UGT1A8: variants seen among roughly 807,000 people sequenced by gnomAD.
UGT1A8 encodes UDP-glucuronosyltransferase 1A8.
UGT1A8 carries 39 observed loss-of-function variants against 45.3 expected under a neutral mutation model. The observed-to-expected ratio is 0.86, with a 90% CI of 0.67 to 1.12. The LOEUF is 1.12. Among genes scored for constraint, UGT1A8 ranks in the 50% most tolerant of loss-of-function variants. The probability of loss-of-function intolerance (pLI) is 0.00; values close to 1 mark genes in which losing one functional copy is unlikely to be tolerated. For missense variants in UGT1A8, 719 were observed against 664.9 expected, an observed-to-expected ratio of 1.08 and a Z score of -0.90; for synonymous variants, 275 against 249.2, an observed-to-expected ratio of 1.10 and a Z score of -0.97.
intron 1 of UGT1A8, among the ~76,000 whole-genome samples, chr2:233,705,549 T>C (rs966498123): frequency 3.9e-5 from 6 of 152,104 alleles, no homozygotes; most frequent in Non-Finnish European, 8.8e-5. Flanking sequence ...GAGCAGCTGG[T>C]GATATTGCTT....
At chr2:233,726,191 A>T (rs942571652) in intron 1 of UGT1A8, among the ~76,000 whole-genome samples, 2 of 152,194 alleles carry the variant, frequency 1.3e-5, no homozygotes, top group African/African-American at 4.8e-5. Context: ...TCTTTGGCAT[A>T]TGGAAATCTT....
intron 1 of UGT1A8, among the ~76,000 whole-genome samples, chr2:233,669,070 G>A (rs952655787): frequency 1.3e-5 from 2 of 152,172 alleles, no homozygotes; most frequent in Non-Finnish European, 2.9e-5. Flanking sequence ...GCTTTCTTGC[G>A]AATGGATACC....
chr2:233,713,391 A>T (rs373895890), intron 1 of UGT1A8: 1 of 1,614,152 alleles, frequency 6.2e-7, no homozygotes, highest in South Asian at 1.1e-5. Flanking sequence ...GCTACTGCAT[A>T]ATGAGGCCCT....
chr2:233,718,710 T>G (rs1277838228), intron 1 of UGT1A8: 4 of 1,606,080 alleles, frequency 2.5e-6, no homozygotes, highest in Admixed American at 1.7e-5. Flanking sequence ...TGTCTTCCAA[T>G]TACATGCTGA....
intron 1 of UGT1A8, chr2:233,750,715 C>G (rs1487132434): frequency 6.6e-6 from 1 of 151,920 alleles, no homozygotes; most frequent in Non-Finnish European, 1.5e-5. Context: ...AGAGCTCAGG[C>G]CATTGCTTCA....
chr2:233,757,535 AATATATATAT>A (rs67292694), intron 1 of UGT1A8, among the ~76,000 whole-genome samples: 5,616 of 88,332 alleles, frequency 0.064, 477 homozygotes, highest in Non-Finnish European at 0.086. Context: ...GCCTGTAAGG[AATATATATAT>A]ATATATATAT....
intron 1 of UGT1A8, among the ~76,000 whole-genome samples, chr2:233,695,422 CCTTCTT>C (rs34487948): frequency 6.6e-6 from 1 of 150,952 alleles, no homozygotes; most frequent in African/African-American, 2.4e-5. Flanking sequence ...CCGCGCCCGG[CCTTCTT>C]CTTCTTCTTT....
At chr2:233,672,754 G>A (rs745881309) in intron 1 of UGT1A8, 7 of 1,613,730 alleles carry the variant, frequency 4.3e-6, no homozygotes, top group Non-Finnish European at 5.9e-6. Flanking sequence ...CTTCATTGGT[G>A]GTATCAACTG....
chr2:233,619,477 T>G (rs1159584601), intron 1 of UGT1A8, among the ~76,000 whole-genome samples: 1 of 152,186 alleles, frequency 6.6e-6, no homozygotes, highest in Non-Finnish European at 1.5e-5. Flanking sequence ...CATGTAGGGT[T>G]AGAGGGTTTT....
At chr2:233,716,112 T>C (rs2076486973) in intron 1 of UGT1A8, among the ~76,000 whole-genome samples, 1 of 152,226 alleles carries the variant, frequency 6.6e-6, no homozygotes, top group Admixed American at 6.5e-5. Context: ...ATTTAGTTTT[T>C]CCATCTTAGT....
intron 1 of UGT1A8, among the ~76,000 whole-genome samples, chr2:233,645,959 C>G (rs1183859720): frequency 6.6e-6 from 1 of 152,244 alleles, no homozygotes. Flanking sequence ...AGCAGAGGTT[C>G]TCTGTGAGGG....
intron 1 of UGT1A8, among the ~76,000 whole-genome samples, chr2:233,649,465 G>T (rs1314990285): frequency 6.6e-6 from 1 of 152,102 alleles, no homozygotes; most frequent in South Asian, 2.1e-4. Flanking sequence ...TTGCAGTTTT[G>T]TATGCATGTG....
chr2:233,691,378 G>C (rs1273404104), intron 1 of UGT1A8: 37 of 985,462 alleles, frequency 3.8e-5, no homozygotes, highest in Non-Finnish European at 4.3e-5. Flanking sequence ...TCCTGGTTAT[G>C]TTCCCCATGG....
chr2:233,642,534 A>G (rs970427355), intron 1 of UGT1A8, among the ~76,000 whole-genome samples: 8 of 152,142 alleles, frequency 5.3e-5, no homozygotes, highest in Non-Finnish European at 8.8e-5. Flanking sequence ...TATTTAATTC[A>G]TTTGATGAGG....
Position 233,661,730 on chromosome 2 carries a change from G to A in UGT1A8, c.855+43168G>A, listed in dbSNP as rs753647964. 5.6e-5 allele frequency among the ~76,000 whole-genome samples: 7 copies of A among 125,196 alleles called. No homozygotes were observed. The South Asian group carries it at 7.7e-4, about 14-fold the overall frequency. The allele number at this position is 125,196 out of a possible 152,430, so 82.1% of individuals were successfully genotyped here. ...ATTCTTTTTTTTTTTTTTAATGATCGCCAACCACAGCTGCAGTCCTCAACC... is the reference window on the plus strand; with the variant it reads ...ATTCTTTTTTTTTTTTTTAATGATCACCAACCACAGCTGCAGTCCTCAACC... On this transcript the variant is annotated intron_variant, in intron 1 of 4. Coordinates refer to ENST00000373450, the MANE Select transcript of UGT1A8 (RefSeq NM_019076.5).
chr2:233,685,695 A>G (rs1461664154), intron 1 of UGT1A8, among the ~76,000 whole-genome samples: 3 of 152,218 alleles, frequency 2.0e-5, no homozygotes, highest in Non-Finnish European at 4.4e-5. Context: ...TTCTTAAGTT[A>G]AATAATTTTC....
intron 1 of UGT1A8, among the ~76,000 whole-genome samples, chr2:233,661,318 C>T (rs776836823): frequency 1.3e-5 from 2 of 152,064 alleles, no homozygotes; most frequent in South Asian, 2.1e-4. Context: ...GCTGTGCACA[C>T]CATGGTGCTG....
intron 1 of UGT1A8, among the ~76,000 whole-genome samples, chr2:233,626,259 T>C (rs973443826): frequency 6.6e-6 from 1 of 152,072 alleles, no homozygotes; most frequent in East Asian, 1.9e-4. Flanking sequence ...TCAATAGCAG[T>C]CTTAAATAAC....
At chr2:233,752,746 AAAACAAACAAAC>A (rs200752387) in intron 1 of UGT1A8, among the ~76,000 whole-genome samples, 1 of 152,190 alleles carries the variant, frequency 6.6e-6, no homozygotes, top group East Asian at 1.9e-4. Flanking sequence ...CCCTGTCTCT[AAAACAAACAAAC>A]AAACAAACAA....
Sources: allele counts gnomAD v4.1 joint callset (sites outside exome capture counted in the v4.1 genomes callset), GRCh38; gene constraint gnomAD v4.1.1; transcripts MANE v1.5; gene names NCBI Gene and HGNC (gene_info 2026-07-23, HGNC 2026-07-21).